Variants in APBA2 observed in about 807,000 individuals in gnomAD.
APBA2 encodes the protein amyloid beta precursor protein binding family A member 2.
In APBA2, 30 loss-of-function variants were observed where a neutral mutation model predicts 75.0. The observed-to-expected ratio is 0.40, with a 90% CI of 0.30 to 0.54. APBA2 has a LOEUF of 0.54. APBA2 is among the 20% of genes least tolerant of loss of function. The pLI is 0.49. For missense variants in APBA2, 801 were observed against 1,016.1 expected, an observed-to-expected ratio of 0.79 and a Z score of 2.88; for synonymous variants, 444 against 409.6, an observed-to-expected ratio of 1.08 and a Z score of -1.01.
chr15:29,029,881 G>A (rs545979338), intron 3 of APBA2, among the ~76,000 whole-genome samples: 15 of 152,266 alleles, frequency 9.9e-5, no homozygotes, highest in African/African-American at 3.1e-4. Flanking sequence ...GTGTGAGTTC[G>A]GGCACCAGCA....
chr15:28,945,141 G>A (rs17748390), intron 2 of APBA2, among the ~76,000 whole-genome samples: 26,000 of 152,158 alleles, frequency 0.17, 3,115 homozygotes, highest in African/African-American at 0.34. Flanking sequence ...CAGCCGCGGC[G>A]TCACTGTCAG....
chr15:28,973,149 A>G (rs752815102), intron 2 of APBA2, among the ~76,000 whole-genome samples: 5 of 152,232 alleles, frequency 3.3e-5, no homozygotes, highest in Non-Finnish European at 5.9e-5. Context: ...GACCCTGTGT[A>G]TTCCTCTGTT....
intron 2 of APBA2, among the ~76,000 whole-genome samples, chr15:28,973,081 A>C (rs2037153837): frequency 6.6e-6 from 1 of 152,234 alleles, no homozygotes; most frequent in Non-Finnish European, 1.5e-5. Flanking sequence ...GTTTATTTTG[A>C]GAGGAAGTTT....
chr15:28,968,098 G>A (rs1273848279), intron 2 of APBA2, among the ~76,000 whole-genome samples: 1 of 152,226 alleles, frequency 6.6e-6, no homozygotes, highest in Non-Finnish European at 1.5e-5. Flanking sequence ...TCGCAACGTT[G>A]TAGTAAGTGT....
chr15:28,902,906 G>A (rs943654977), intron 1 of APBA2, among the ~76,000 whole-genome samples: 3 of 152,122 alleles, frequency 2.0e-5, no homozygotes, highest in African/African-American at 7.2e-5. Flanking sequence ...GCTCATGTTA[G>A]TATTTAGAAT....
intron 3 of APBA2, among the ~76,000 whole-genome samples, chr15:28,999,163 A>C (rs563885210): frequency 6.6e-6 from 1 of 152,224 alleles, no homozygotes; most frequent in Non-Finnish European, 1.5e-5. Context: ...AAAGAAAAAA[A>C]AAAAGGCCAA....
intron 2 of APBA2, among the ~76,000 whole-genome samples, chr15:28,926,906 G>T (rs1159160807): frequency 6.7e-6 from 1 of 148,720 alleles, no homozygotes; most frequent in Non-Finnish European, 1.5e-5. Context: ...GCCCAGGCTG[G>T]AGTGCAGTGG....
chr15:28,982,713 A>C (rs1030022245), intron 2 of APBA2, among the ~76,000 whole-genome samples: 1 of 152,238 alleles, frequency 6.6e-6, no homozygotes, highest in Non-Finnish European at 1.5e-5. Context: ...TGTCATGACA[A>C]AGCAAGACTA....
chr15:28,988,410 C>T (rs1384771545), intron 2 of APBA2, among the ~76,000 whole-genome samples: 2 of 151,796 alleles, frequency 1.3e-5, no homozygotes, highest in Non-Finnish European at 2.9e-5. Context: ...ATTACAGGCG[C>T]CCGCCACTGC....
chr15:29,034,608 T>C (rs1171232654), intron 3 of APBA2, among the ~76,000 whole-genome samples: 1 of 152,150 alleles, frequency 6.6e-6, no homozygotes, highest in Non-Finnish European at 1.5e-5. Flanking sequence ...TTGTTTACTT[T>C]GAAGAGTGAC....
At position 28,986,143 on chromosome 15, in the gene APBA2, G is replaced by A. The variant is rs541666221; in HGVS notation, c.-94-9610G>A. Among the ~76,000 whole-genome samples the A allele has an allele frequency of 5.3e-5, 8 of 152,336 alleles. No homozygotes were observed. The South Asian group carries it at 1.5e-3, about 28-fold the overall frequency. On this transcript the variant is annotated intron_variant, in intron 2 of 14. Coordinates refer to ENST00000683413, the MANE Select transcript of APBA2 (RefSeq NM_001353788.2). ...CCCGGCGGCTCTCCAGCCCATAGAG[G>A]AGGCTTCTCAAAGTTTCCTGCCTCC...
At chr15:28,944,648 A>G (rs969837694) in intron 2 of APBA2, among the ~76,000 whole-genome samples, 4 of 152,210 alleles carry the variant, frequency 2.6e-5, no homozygotes, top group Non-Finnish European at 5.9e-5. Context: ...CGGCGTGCCG[A>G]AGGAACCAAG....
chr15:29,022,162 T>G (rs1161128959), intron 3 of APBA2, among the ~76,000 whole-genome samples: 7 of 152,208 alleles, frequency 4.6e-5, no homozygotes, highest in Admixed American at 4.6e-4. Context: ...TGCCCAGCAG[T>G]AGGATTGCTG....
chr15:28,992,807 T>A (rs1188295967), intron 2 of APBA2, among the ~76,000 whole-genome samples: 1 of 152,160 alleles, frequency 6.6e-6, no homozygotes, highest in Non-Finnish European at 1.5e-5. Context: ...CAGCTCCCAA[T>A]CCTCCAAACA....
At chr15:28,984,944 T>TC (rs2037839142) in intron 2 of APBA2, among the ~76,000 whole-genome samples, 1 of 149,860 alleles carries the variant, frequency 6.7e-6, no homozygotes, top group African/African-American at 2.5e-5. Flanking sequence ...TCTCCCTCTC[T>TC]CCCCCTCCGC....
chr15:29,044,041 T>A (rs1010309138), intron 3 of APBA2, among the ~76,000 whole-genome samples: 1 of 152,334 alleles, frequency 6.6e-6, no homozygotes, highest in South Asian at 2.1e-4. Context: ...AATAATATTA[T>A]CTTTACAACA....
intron 14 of APBA2, among the ~76,000 whole-genome samples, chr15:29,115,554 C>T (rs2045045259): frequency 6.6e-6 from 1 of 152,106 alleles, no homozygotes; most frequent in Non-Finnish European, 1.5e-5. Flanking sequence ...GAGGAGCGGG[C>T]GGGAGAACGG....
At chr15:28,919,452 A>C (rs2033853044) in intron 1 of APBA2, 1 of 152,386 alleles carries the variant, frequency 6.6e-6, no homozygotes, top group African/African-American at 2.4e-5. Context: ...AGCTTCAGGA[A>C]CATGTGGCAG....
Position 29,034,087 on chromosome 15 carries a change from G to A in APBA2, c.-40-19758G>A, listed in dbSNP as rs113172318. Among the ~76,000 whole-genome samples the A allele has an allele frequency of 2.5e-3, 377 of 151,824 alleles. 1 individual carries two copies. The highest frequency in any genetic ancestry group is 4.5e-3 in the Non-Finnish European group (309 of 67,964). ...ATCCTCCCAGCATCCAAGTGTGACAGTAATCAAAGAGTATTGCCAAAAAAG... is the reference window on the plus strand; with the variant it reads ...ATCCTCCCAGCATCCAAGTGTGACAATAATCAAAGAGTATTGCCAAAAAAG... On this transcript the variant is annotated intron_variant, in intron 3 of 14. Transcript: ENST00000683413.
Sources: gnomAD v4.1 joint callset for allele counts (sites outside exome capture counted in the v4.1 genomes callset) on GRCh38, gnomAD v4.1.1 for gene constraint, MANE v1.5 for transcripts, NCBI Gene and HGNC (gene_info 2026-07-23, HGNC 2026-07-21) for gene names.